Variants in MAGI2 observed in about 807,000 individuals in gnomAD.
The protein encoded by MAGI2 is membrane-associated guanylate kinase, WW and PDZ domain-containing protein 2.
MAGI2 carries 35 observed loss-of-function variants against 133.3 expected under a neutral mutation model. The observed-to-expected ratio is 0.26, with a 90% CI of 0.20 to 0.35. The LOEUF is 0.35. MAGI2 is among the 10% of genes least tolerant of loss of function. The pLI is 1.00. For missense variants in MAGI2, 1,636 were observed against 1,863.4 expected (o/e 0.88, Z 2.25); for synonymous variants, 729 against 710.6 (o/e 1.03, Z -0.41).
chr7:79,286,167 T>G lies in MAGI2; in HGVS notation c.301+166853A>C, dbSNP rs1835983655. On this transcript the variant is annotated intron_variant, in intron 1 of 21. Coordinates refer to ENST00000354212, the MANE Select transcript of MAGI2 (RefSeq NM_012301.4). ...GGAGAAGCCAAATAGAGGAAGTGTG[T>G]GAGGTTTCTTCAGATGTGGCTTGTG... is the stretch of plus-strand genomic sequence containing the variant. 2.0e-5 allele frequency among the ~76,000 whole-genome samples: 3 copies of G among 152,148 alleles called. No individual in the cohort carries two copies. The South Asian group carries it at 6.2e-4, about 32-fold the overall frequency.
chr7:78,064,919 A>G (rs941708563), intron 21 of MAGI2, among the ~76,000 whole-genome samples: 2 of 152,184 alleles, frequency 1.3e-5, no homozygotes, highest in Non-Finnish European at 2.9e-5. Context: ...TATAGCCAAC[A>G]CTTGAGAATA....
intron 6 of MAGI2, among the ~76,000 whole-genome samples, chr7:78,406,368 G>C (rs1797375728): frequency 6.6e-6 from 1 of 151,946 alleles, no homozygotes; most frequent in Non-Finnish European, 1.5e-5. Flanking sequence ...GTTTGGTTGT[G>C]TTTGTAAACT....
At chr7:78,463,070 G>T (rs1244047179) in intron 6 of MAGI2, among the ~76,000 whole-genome samples, 1 of 152,128 alleles carries the variant, frequency 6.6e-6, no homozygotes, top group Non-Finnish European at 1.5e-5. Context: ...TGTTATCTGG[G>T]GCCCACCTTG....
chr7:78,410,742 G>GA (rs973455876), intron 6 of MAGI2, among the ~76,000 whole-genome samples: 2 of 151,194 alleles, frequency 1.3e-5, no homozygotes, highest in African/African-American at 2.4e-5. Context: ...CTACCTGGGG[G>GA]AAAAAAAAGC....
intron 2 of MAGI2, among the ~76,000 whole-genome samples, chr7:78,880,780 A>T (rs1795782269): frequency 1.1e-5 from 1 of 94,688 alleles, no homozygotes; most frequent in African/African-American, 3.1e-5. Flanking sequence ...ACATATTGGC[A>T]AGCTGGATAA....
At chr7:78,881,639 C>A (rs1795846655) in intron 2 of MAGI2, among the ~76,000 whole-genome samples, 1 of 151,988 alleles carries the variant, frequency 6.6e-6, no homozygotes. Flanking sequence ...AAATGGAAAT[C>A]AATAAGATCT....
chr7:79,444,397 T>C (rs1367859685), intron 1 of MAGI2, among the ~76,000 whole-genome samples: 2 of 152,198 alleles, frequency 1.3e-5, no homozygotes, highest in East Asian at 1.9e-4. Flanking sequence ...GATGACATGA[T>C]TGTATATCAG....
chr7:79,452,060 C>T (rs1849303545), intron 1 of MAGI2, among the ~76,000 whole-genome samples: 1 of 152,132 alleles, frequency 6.6e-6, no homozygotes, highest in Admixed American at 6.5e-5. Context: ...TCATTTAAGT[C>T]AGGTTGGAGC....
intron 3 of MAGI2, among the ~76,000 whole-genome samples, chr7:78,600,310 A>G (rs996027699): frequency 6.6e-6 from 1 of 152,170 alleles, no homozygotes; most frequent in African/African-American, 2.4e-5. Flanking sequence ...ACAATTTTAG[A>G]AGAAGACATA....
chr7:78,795,984 G>T (rs1787578541), intron 2 of MAGI2, among the ~76,000 whole-genome samples: 1 of 152,016 alleles, frequency 6.6e-6, no homozygotes, highest in African/African-American at 2.4e-5. Flanking sequence ...AAAATCAACT[G>T]CAAATGAAAT....
At chr7:79,168,684 C>T (rs145619160) in intron 1 of MAGI2, among the ~76,000 whole-genome samples, 68 of 151,988 alleles carry the variant, frequency 4.5e-4, no homozygotes, top group African/African-American at 1.6e-3. Context: ...TGTTTTCACA[C>T]ATTATTCTTC....
intron 1 of MAGI2, among the ~76,000 whole-genome samples, chr7:79,378,914 A>ATGTG (rs1252457871): frequency 4.9e-4 from 41 of 84,260 alleles, no homozygotes; most frequent in African/African-American, 1.7e-3. Context: ...TTATATATAT[A>ATGTG]TATGTGTGTG....
intron 1 of MAGI2, among the ~76,000 whole-genome samples, chr7:79,018,422 G>C (rs550380117): frequency 2.6e-5 from 4 of 152,214 alleles, no homozygotes; most frequent in African/African-American, 9.6e-5. Flanking sequence ...AGGACAAACT[G>C]TTACCAACCA....
rs1563080766 is a variant in MAGI2 at position 78,070,452 on chromosome 7, A to ATATG, written c.3706+8494_3706+8495insCATA. 8.9e-5 allele frequency among the ~76,000 whole-genome samples: 13 copies of ATATG among 146,642 alleles called. No homozygotes were observed. The South Asian group carries it at 2.6e-3, about 29-fold the overall frequency. On this transcript the variant is annotated intron_variant, in intron 21 of 21. Transcript: ENST00000354212. ...TGTGTATATATATATGTGTATATAT[A>ATATG]TGTGTGTGTATATATGTGTGTATAT...
At chr7:78,724,611 G>A (rs913900834) in intron 2 of MAGI2, among the ~76,000 whole-genome samples, 5 of 152,148 alleles carry the variant, frequency 3.3e-5, no homozygotes, top group African/African-American at 1.2e-4. Flanking sequence ...CTCCTGTTGA[G>A]GAGGAAGGAG....
chr7:78,852,038 G>T (rs191004138), intron 2 of MAGI2, among the ~76,000 whole-genome samples: 1 of 152,162 alleles, frequency 6.6e-6, no homozygotes, highest in African/African-American at 2.4e-5. Context: ...TCCACATCTT[G>T]ACAGATATTA....
chr7:78,431,993 A>G (rs73370244), intron 6 of MAGI2, among the ~76,000 whole-genome samples: 7,137 of 152,168 alleles, frequency 0.047, 268 homozygotes, highest in African/African-American at 0.1. Flanking sequence ...CATCAAATAA[A>G]AATTATACCA....
At chr7:79,301,514 C>A (rs188009679) in intron 1 of MAGI2, among the ~76,000 whole-genome samples, 1 of 152,176 alleles carries the variant, frequency 6.6e-6, no homozygotes, top group South Asian at 2.1e-4. Flanking sequence ...AAAATGTTTA[C>A]CCAATGCCTG....
At chr7:79,262,636 C>T (rs1284777143) in intron 1 of MAGI2, among the ~76,000 whole-genome samples, 1 of 152,134 alleles carries the variant, frequency 6.6e-6, no homozygotes, top group East Asian at 1.9e-4. Flanking sequence ...TGGAAAGTAT[C>T]ACCACATTAC....
Sources: allele counts gnomAD v4.1 joint callset (sites outside exome capture counted in the v4.1 genomes callset), GRCh38; gene constraint gnomAD v4.1.1; transcripts MANE v1.5; gene names NCBI Gene and HGNC (gene_info 2026-07-23, HGNC 2026-07-21).